The following PCDHGA9 variants were observed in gnomAD, a reference collection of about 807,000 sequenced individuals.
The protein encoded by PCDHGA9 is protocadherin gamma subfamily A, 9, also known as protocadherin gamma-A9.
In PCDHGA9, 37 loss-of-function variants were observed where a neutral mutation model predicts 62.5. That is an observed-to-expected ratio of 0.59 (90% confidence interval 0.46 to 0.78). The LOEUF (loss-of-function observed/expected upper bound fraction) is 0.78, where lower values mean the gene tolerates loss of function less well. Ranked by LOEUF, PCDHGA9 falls within the 30% of genes least tolerant of loss-of-function variation. The pLI is 0.00. For synonymous variants in PCDHGA9, 459 were observed against 484.6 expected (o/e 0.95, Z 0.69); for missense variants, 1,138 against 1,166.2 (o/e 0.98, Z 0.35).
At chr5:141,417,700 A>G in intron 1 of PCDHGA9, 1 of 1,180,094 alleles carries the variant, frequency 8.5e-7, no homozygotes, top group Admixed American at 3.0e-5. Flanking sequence ...ACCAGCTCCC[A>G]CACAGAGGCT....
rs376395066 is a variant in PCDHGA9 at position 141,490,681 on chromosome 5, C to G, written c.2425-4126C>G. On this transcript the variant is annotated intron_variant, in intron 1 of 3. Transcript: ENST00000573521. The surrounding 1 kb of genome is among the most constrained non-coding windows in gnomAD (Gnocchi z 5.4). ...TCTTTGCACTGTGGCTGCCTCAGATCCAGACACTGGGGATAATGCCCGCCT... is the reference window on the plus strand; with the variant it reads ...TCTTTGCACTGTGGCTGCCTCAGATGCAGACACTGGGGATAATGCCCGCCT... 2.5e-6 allele frequency: 4 copies of G among 1,613,998 alleles called. No homozygotes were observed. In the African/African-American group the frequency reaches 4.0e-5, roughly 16 times the overall value.
At chr5:141,492,659 T>C (rs2099742881) in intron 1 of PCDHGA9, among the ~76,000 whole-genome samples, 1 of 152,182 alleles carries the variant, frequency 6.6e-6, no homozygotes, top group Non-Finnish European at 1.5e-5. Context: ...GTCCGGATGG[T>C]CCCGGGACTC....
intron 1 of PCDHGA9, among the ~76,000 whole-genome samples, chr5:141,483,522 C>G (rs557644901): frequency 9.3e-6 from 1 of 107,172 alleles, no homozygotes; most frequent in African/African-American, 3.9e-5. Flanking sequence ...TAGATCCTGA[C>G]TAAGGAAGCT....
chr5:141,476,453 G>C lies in PCDHGA9; in HGVS notation c.2425-18354G>C. On this transcript the variant is annotated intron_variant, in intron 1 of 3. Coordinates refer to ENST00000573521, the MANE Select transcript of PCDHGA9 (RefSeq NM_018921.3). This position sits in a 1 kb window ranked among gnomAD's most constrained non-coding sequence, Gnocchi z 7.6. The stretch of plus-strand genomic sequence containing the variant: ...CACTGTAACTCTGGAGTTGGTAGTG[G>C]AGAACCCGCTGGAGCTGTTCAGCGT... 2 of 1,614,138 alleles carry C rather than the reference G, an allele frequency of 1.2e-6. No homozygotes were observed. Among genetic ancestry groups the C allele is most frequent in the Non-Finnish European group, 1.7e-6 (2 of 1,180,022 alleles).
intron 2 of PCDHGA9, among the ~76,000 whole-genome samples, chr5:141,502,625 T>G (rs2099815384): frequency 6.6e-6 from 1 of 152,210 alleles, no homozygotes; most frequent in Admixed American, 6.5e-5. Context: ...ATAAGTAATC[T>G]GTGGATGATA....
chr5:141,448,166 A>G (rs1475687778), intron 1 of PCDHGA9, among the ~76,000 whole-genome samples: 2 of 151,978 alleles, frequency 1.3e-5, no homozygotes, highest in Non-Finnish European at 2.9e-5. Context: ...AAAGATCACT[A>G]CTATTCATCC....
intron 1 of PCDHGA9, chr5:141,415,444 T>A (rs770800491): frequency 1.9e-6 from 3 of 1,614,184 alleles, no homozygotes; most frequent in Non-Finnish European, 2.5e-6. Context: ...CCTGCAGACC[T>A]ATTCCCACGA....
At chr5:141,478,483 G>A in intron 1 of PCDHGA9, 13 of 1,613,548 alleles carry the variant, frequency 8.1e-6, no homozygotes, top group Non-Finnish European at 1.1e-5. Flanking sequence ...AGAACACGCT[G>A]CGGAGCTGTG....
intron 2 of PCDHGA9, among the ~76,000 whole-genome samples, chr5:141,500,184 TTTTATTTA>T (rs58019021): frequency 0.099 from 13,469 of 135,812 alleles, 757 homozygotes; most frequent in African/African-American, 0.15. Context: ...TCATTTTTAT[TTTTATTTA>T]TTTATTTATT....
At chr5:141,420,353 G>C (rs1281948860) in intron 1 of PCDHGA9, 1 of 1,382,260 alleles carries the variant, frequency 7.2e-7, no homozygotes, top group African/African-American at 1.5e-5. Context: ...ATTATTTTAA[G>C]ATTCTAGATA....
In PCDHGA9 at chr5:141,481,621, C is replaced by T. The variant is rs533294863; in HGVS notation, c.2425-13186C>T. Among the ~76,000 whole-genome samples the T allele has an allele frequency of 3.9e-5, 6 of 152,198 alleles. 1 individual carries two copies. Among genetic ancestry groups the T allele is most frequent in the East Asian group, 3.9e-4 (2 of 5,172 alleles). Reference sequence around the variant, plus strand: ...TCACCTGAGGCCAGGAGTTCAAGACCGGCCTGGCCAACATGGTGAAACTTC... The same window carrying T: ...TCACCTGAGGCCAGGAGTTCAAGACTGGCCTGGCCAACATGGTGAAACTTC... On this transcript the variant is annotated intron_variant, in intron 1 of 3. Transcript: ENST00000573521.
At position 141,490,219 on chromosome 5, in the gene PCDHGA9, C is replaced by T. The variant is rs771985398; in HGVS notation, c.2425-4588C>T. 2.5e-5 allele frequency: 41 copies of T among 1,614,094 alleles called. No individual in the cohort carries two copies. The highest frequency in any genetic ancestry group is 3.3e-5 in the Non-Finnish European group (39 of 1,180,038). On this transcript the variant is annotated intron_variant, in intron 1 of 3. Coordinates refer to ENST00000573521, the MANE Select transcript of PCDHGA9 (RefSeq NM_018921.3). This position sits in a 1 kb window ranked among gnomAD's most constrained non-coding sequence, Gnocchi z 5.4. ...TCATGCAAGAGCCCGTGACCAGGGA[C>T]AGCCTGCCATGGAGGGCCACTGTGT... is the stretch of plus-strand genomic sequence containing the variant.
At chr5:141,438,287 T>C (rs1183751436) in intron 1 of PCDHGA9, among the ~76,000 whole-genome samples, 1 of 152,054 alleles carries the variant, frequency 6.6e-6, no homozygotes, top group African/African-American at 2.4e-5. Context: ...TAATTTAATC[T>C]GTATGTAAAA....
chr5:141,430,984 C>G (rs765063685), intron 1 of PCDHGA9: 2 of 1,613,530 alleles, frequency 1.2e-6, no homozygotes, highest in Non-Finnish European at 1.7e-6. Flanking sequence ...CGCAGCTTTT[C>G]GCCCTGAATC....
Position 141,487,819 on chromosome 5 carries a change from C to T in PCDHGA9, c.2425-6988C>T, listed in dbSNP as rs559702138. 28 of 1,285,530 alleles carry T rather than the reference C, an allele frequency of 2.2e-5. No homozygotes were observed. The highest frequency in any genetic ancestry group is 7.6e-5 in the East Asian group (3 of 39,466). 79.6% of individuals were successfully genotyped at this position (1,285,530 alleles called of 1,614,324 possible). ...AGTTGTCACAGTTTAGCATTGGGGG[C>T]GGGTCATGCCTATATCTGAGTAAGA... is the stretch of plus-strand genomic sequence containing the variant. On this transcript the variant is annotated intron_variant, in intron 1 of 3. Transcript: ENST00000573521. The surrounding 1 kb of genome is among the most constrained non-coding windows in gnomAD (Gnocchi z 5.0).
In PCDHGA9 at chr5:141,404,974, C is replaced by A; in HGVS notation, c.2022C>A (p.Asp674Glu). The A allele has an allele frequency of 6.2e-7, 1 of 1,614,022 alleles. No homozygotes were observed. Among genetic ancestry groups the A allele is most frequent in the South Asian group, 1.1e-5 (1 of 91,088 alleles). The change falls in exon 1 of 4, where the codon GAC becomes GAA. Residue 674 changes from aspartate (D) to glutamate (E), a missense_variant. By Grantham distance (45) the Asp-to-Glu change is conservative (BLOSUM62 2). Transcript: ENST00000573521. The part of the protein sequence containing the change: ...IADSIPDILA[D>E]LGSLQIPADL... ...ACAGCATCCCAGACATCCTGGCTGA[C>A]CTGGGCAGTCTTCAGATCCCTGCAG...
chr5:141,487,404 C>T lies in PCDHGA9; in HGVS notation c.2425-7403C>T, dbSNP rs771371344. ...AGATCTCGAAGGAGGGAGGGGCTTC[C>T]CCCTTCCAATGGGATCCTCCGAATC... On this transcript the variant is annotated intron_variant, in intron 1 of 3. Transcript: ENST00000573521. The surrounding 1 kb of genome is among the most constrained non-coding windows in gnomAD (Gnocchi z 5.0). 2 of 1,614,178 alleles carry T rather than the reference C, an allele frequency of 1.2e-6. No homozygotes were observed. Among genetic ancestry groups the T allele is most frequent in the Non-Finnish European group, 8.5e-7 (1 of 1,180,032 alleles).
rs753978186 is a variant in PCDHGA9 at position 141,403,657 on chromosome 5, A to G, written c.705A>G (p.Thr235=). Reference sequence around the variant, plus strand: ...GCATCCATGTGACAGTGTTGGATACAAATGATAATGCCCCGGTTTTTGCTC... The same window carrying G: ...GCATCCATGTGACAGTGTTGGATACGAATGATAATGCCCCGGTTTTTGCTC... The part of the protein sequence containing the change: ...TVRIHVTVLD[T]NDNAPVFAQR... Residue 235 remains threonine (T), a synonymous_variant, in exon 1 of 4, where the codon ACA becomes ACG. Transcript: ENST00000573521. The G allele has an allele frequency of 2.5e-6, 4 of 1,613,924 alleles. No homozygotes were observed. Among genetic ancestry groups the G allele is most frequent in the East Asian group, 2.2e-5 (1 of 44,854 alleles).
At chr5:141,497,768 G>A (rs920949258) in intron 2 of PCDHGA9, among the ~76,000 whole-genome samples, 8 of 152,070 alleles carry the variant, frequency 5.3e-5, no homozygotes, top group East Asian at 1.9e-4. Flanking sequence ...CAAACTCCCC[G>A]ACCTCAACTG....
Sources: gnomAD v4.1 joint callset for allele counts (sites outside exome capture counted in the v4.1 genomes callset) on GRCh38, gnomAD v4.1.1 for gene constraint, Gnocchi (gnomAD v3.1) non-coding constraint, MANE v1.5 for transcripts, NCBI Gene and HGNC (gene_info 2026-07-23, HGNC 2026-07-21) for gene names.